UMAD1: variants seen among roughly 807,000 people sequenced by gnomAD.
The protein encoded by UMAD1 is UBAP1-MVB12-associated (UMA) domain containing 1.
In UMAD1, 8 loss-of-function variants were observed where a neutral mutation model predicts 6.1. The observed-to-expected ratio is 1.30, with a 90% confidence interval of 0.76 to 2.35. The LOEUF (loss-of-function observed/expected upper bound fraction) is 2.35. Ranked by LOEUF, UMAD1 falls within the 30% of genes most tolerant of loss-of-function variation. The probability of loss-of-function intolerance (pLI) is 0.00; values close to 1 mark genes in which losing one functional copy is unlikely to be tolerated. For missense variants in UMAD1, 130 were observed against 78.4 expected, an observed-to-expected ratio of 1.66 and a Z score of -2.49; for synonymous variants, 56 against 31.4, an observed-to-expected ratio of 1.78 and a Z score of -2.61.
Position 7,656,313 on chromosome 7 carries a change from A to T in UMAD1, c.-64+15492A>T, listed in dbSNP as rs548084607. On this transcript the variant is annotated intron_variant, in intron 1 of 3. Transcript: ENST00000682710. ...AAGAACTTGTTCATGTATTTAAAAA[A>T]ATTTTTTTTTTGTTTTATTATACTT... Among the ~76,000 whole-genome samples, 390 of 151,650 alleles carry T rather than the reference A, an allele frequency of 2.6e-3. 2 individuals are homozygous for T. The highest frequency in any genetic ancestry group is 7.3e-3 in the African/African-American group (300 of 41,302).
intron 2 of UMAD1, among the ~76,000 whole-genome samples, chr7:7,739,195 C>T (rs757439116): frequency 6.6e-6 from 1 of 152,116 alleles, no homozygotes; most frequent in Non-Finnish European, 1.5e-5. Context: ...GATTTTAATT[C>T]GACAGACCAC....
At chr7:7,835,048 C>G (rs10223973) in intron 3 of UMAD1, among the ~76,000 whole-genome samples, 71,267 of 152,038 alleles carry the variant, frequency 0.47, 18,334 homozygotes, top group African/African-American at 0.68. Context: ...GTGATCTAAT[C>G]ACTTCTCTCA....
intron 2 of UMAD1, among the ~76,000 whole-genome samples, chr7:7,707,105 A>C (rs926803755): frequency 9.9e-5 from 15 of 152,158 alleles, no homozygotes; most frequent in Non-Finnish European, 1.5e-5. Flanking sequence ...CTATTGTACT[A>C]CCATTCCCTG....
chr7:7,852,001 T>C (rs770437547), intron 3 of UMAD1, among the ~76,000 whole-genome samples: 2 of 152,194 alleles, frequency 1.3e-5, no homozygotes, highest in African/African-American at 2.4e-5. Context: ...AAGAGTTTTA[T>C]ATGTTAGCTT....
At chr7:7,835,307 A>G (rs1783544048) in intron 3 of UMAD1, among the ~76,000 whole-genome samples, 1 of 151,370 alleles carries the variant, frequency 6.6e-6, no homozygotes, top group Admixed American at 6.6e-5. Context: ...ATCTTTTATC[A>G]ACAGCAAAAA....
intron 2 of UMAD1, among the ~76,000 whole-genome samples, chr7:7,706,339 C>A (rs1287678238): frequency 6.6e-6 from 1 of 151,984 alleles, no homozygotes; most frequent in Non-Finnish European, 1.5e-5. Flanking sequence ...ATGTTATCAC[C>A]CTAGTCTGGG....
intron 3 of UMAD1, among the ~76,000 whole-genome samples, chr7:7,827,122 G>GATATAT (rs112036833): frequency 1.9e-4 from 27 of 140,416 alleles, no homozygotes; most frequent in East Asian, 1.6e-3. Flanking sequence ...CACAGTCCAG[G>GATATAT]ATATATATAT....
chr7:7,727,510 CTGAG>C (rs1781164613), intron 2 of UMAD1, among the ~76,000 whole-genome samples: 1 of 152,112 alleles, frequency 6.6e-6, no homozygotes, highest in South Asian at 2.1e-4. Context: ...ATGGTTGATA[CTGAG>C]TGTCAACTTG....
chr7:7,813,496 G>A (rs567338756), intron 3 of UMAD1, among the ~76,000 whole-genome samples: 1 of 152,122 alleles, frequency 6.6e-6, no homozygotes, highest in African/African-American at 2.4e-5. Context: ...GAGTGACTGC[G>A]CCCAGCCCCT....
At chr7:7,795,646 G>T (rs1000174693) in intron 2 of UMAD1, among the ~76,000 whole-genome samples, 4 of 152,218 alleles carry the variant, frequency 2.6e-5, no homozygotes, top group African/African-American at 9.6e-5. Context: ...TTATTCATGA[G>T]TTTTTAAGGA....
chr7:7,842,610 C>CT (rs148830169), intron 3 of UMAD1, among the ~76,000 whole-genome samples: 2,181 of 146,210 alleles, frequency 0.015, 17 homozygotes, highest in Non-Finnish European at 0.018. Context: ...ATTAAGTTAC[C>CT]TTTTTTTAAA....
In UMAD1 at chr7:7,830,021, G is replaced by A. The variant is rs1485919749; in HGVS notation, c.156+28278G>A. On this transcript the variant is annotated intron_variant, in intron 3 of 3. Transcript: ENST00000682710. The surrounding 1 kb of genome is among the most constrained non-coding windows in gnomAD (Gnocchi z 5.3). ...TCTTCCGACAAACCTTCTTCCTTCT[G>A]ACTTTTGCCTTTCTGGTCTATTCTT... Among the ~76,000 whole-genome samples, 4 of 152,066 alleles carry A rather than the reference G, an allele frequency of 2.6e-5. No homozygotes were observed. The highest frequency in any genetic ancestry group is 9.7e-5 in the African/African-American group (4 of 41,412).
chr7:7,833,805 G>T (rs1583859639), intron 3 of UMAD1, among the ~76,000 whole-genome samples: 1 of 152,186 alleles, frequency 6.6e-6, no homozygotes, highest in East Asian at 1.9e-4. Context: ...GAACATGGTG[G>T]TTACTTTTTC....
At chr7:7,772,955 G>C (rs1217568051) in intron 2 of UMAD1, among the ~76,000 whole-genome samples, 1 of 151,548 alleles carries the variant, frequency 6.6e-6, no homozygotes, top group Non-Finnish European at 1.5e-5. Flanking sequence ...TTTCTTTAAT[G>C]GTTCAAAGGA....
rs997437549 is a variant in UMAD1, at chr7:7,768,491, A to C, written c.83-33179A>C. The stretch of plus-strand genomic sequence containing the variant: ...CTTCCTCGGACCATGTTCCTGGATC[A>C]CTTTCTTCTTCTGCCTATGCATTTC... On this transcript the variant is annotated intron_variant, in intron 2 of 3. Coordinates refer to ENST00000682710, the MANE Select transcript of UMAD1 (RefSeq NM_001302348.2). Among the ~76,000 whole-genome samples, 30 of 152,034 alleles carry C rather than the reference A, an allele frequency of 2.0e-4. 1 individual carries two copies. The highest frequency in any genetic ancestry group is 5.9e-4 in the Admixed American group (9 of 15,268).
intron 1 of UMAD1, among the ~76,000 whole-genome samples, chr7:7,646,224 ATGGGC>A (rs1785090490): frequency 6.6e-6 from 1 of 152,168 alleles, no homozygotes; most frequent in African/African-American, 2.4e-5. Flanking sequence ...ATCAGGTTAC[ATGGGC>A]TTGAAAGATG....
intron 2 of UMAD1, among the ~76,000 whole-genome samples, chr7:7,786,989 CA>C (rs1303269889): frequency 6.6e-6 from 1 of 152,182 alleles, no homozygotes; most frequent in Non-Finnish European, 1.5e-5. Flanking sequence ...GCTAGTCCTC[CA>C]AGCCTTAAAA....
chr7:7,782,608 G>T (rs566240476), intron 2 of UMAD1, among the ~76,000 whole-genome samples: 2 of 151,480 alleles, frequency 1.3e-5, no homozygotes, highest in African/African-American at 4.9e-5. Context: ...ATAGTTTTAA[G>T]TACCTGTAAA....
intron 1 of UMAD1, among the ~76,000 whole-genome samples, chr7:7,666,274 C>T (rs1238173094): frequency 1.3e-5 from 2 of 151,768 alleles, no homozygotes; most frequent in African/African-American, 4.8e-5. Context: ...CATGATCTTG[C>T]CTCATTGCAT....
Sources: gnomAD v4.1 joint callset for allele counts (sites outside exome capture counted in the v4.1 genomes callset) on GRCh38, gnomAD v4.1.1 for gene constraint, Gnocchi (gnomAD v3.1) non-coding constraint, MANE v1.5 for transcripts, NCBI Gene and HGNC (gene_info 2026-07-23, HGNC 2026-07-21) for gene names.